Variants in ANKRD11 observed in about 807,000 individuals in gnomAD.
ANKRD11 encodes ankyrin repeat domain 11, also known as ankyrin repeat domain-containing protein 11.
A neutral mutation model predicts 195.7 loss-of-function variants in ANKRD11; 17 were observed. The observed-to-expected ratio is 0.09, with a 90% CI of 0.06 to 0.13. ANKRD11 has a LOEUF of 0.13. Ranked by LOEUF, ANKRD11 falls within the 10% of genes least tolerant of loss-of-function variation. ANKRD11 has a pLI of 1.00. For synonymous variants in ANKRD11, 1,953 were observed against 1,528.1 expected, an observed-to-expected ratio of 1.28 and a Z score of -6.49; for missense variants, 3,735 against 3,566.1, an observed-to-expected ratio of 1.05 and a Z score of -1.21.
At chr16:89,368,415 G>GT (rs1273501135) in intron 2 of ANKRD11, among the ~76,000 whole-genome samples, 1 of 107,432 alleles carries the variant, frequency 9.3e-6, no homozygotes, top group Non-Finnish European at 1.8e-5. Context: ...TAGAGATGGG[G>GT]TTTCACCATC....
At chr16:89,388,245 AG>A (rs1448295544) in intron 2 of ANKRD11, among the ~76,000 whole-genome samples, 10 of 149,900 alleles carry the variant, frequency 6.7e-5, no homozygotes, top group Non-Finnish European at 1.5e-4. Flanking sequence ...ACCCTGCTCC[AG>A]GGCCCACGCG....
chr16:89,475,728 AG>A (rs1485006608), intron 1 of ANKRD11, among the ~76,000 whole-genome samples: 1 of 152,108 alleles, frequency 6.6e-6, no homozygotes, highest in Non-Finnish European at 1.5e-5. Context: ...TGCTCTCCCA[AG>A]TTTAAAGAGG....
Position 89,385,086 on chromosome 16 carries a change from A to C in ANKRD11, c.-60+33198T>G, listed in dbSNP as rs192170405. 2.0e-3 allele frequency among the ~76,000 whole-genome samples: 305 copies of C among 151,744 alleles called. 2 individuals carry two copies. The highest frequency in any genetic ancestry group is 7.1e-3 in the African/African-American group (294 of 41,380). ...TTTTTAGTAGAGACGATATTTCACCATGTTGGCCAGGCTGGTCTTGAACTC... is the reference window on the plus strand; with the variant it reads ...TTTTTAGTAGAGACGATATTTCACCCTGTTGGCCAGGCTGGTCTTGAACTC... On this transcript the variant is annotated intron_variant, in intron 2 of 12. Coordinates refer to ENST00000301030, the MANE Select transcript of ANKRD11 (RefSeq NM_013275.6).
At chr16:89,429,018 T>TA (rs1164110522) in intron 1 of ANKRD11, among the ~76,000 whole-genome samples, 10 of 152,094 alleles carry the variant, frequency 6.6e-5, no homozygotes, top group African/African-American at 2.2e-4. Context: ...GAACAGAATG[T>TA]AAATGGGGGT....
intron 1 of ANKRD11, among the ~76,000 whole-genome samples, chr16:89,448,633 C>T (rs2911262): frequency 0.47 from 72,093 of 152,058 alleles, 17,675 homozygotes; most frequent in Middle Eastern, 0.66. Context: ...TCTTCAAATA[C>T]GCCTAATTAA....
intron 2 of ANKRD11, among the ~76,000 whole-genome samples, chr16:89,416,328 C>T (rs991317927): frequency 2.6e-5 from 4 of 151,894 alleles, no homozygotes; most frequent in African/African-American, 9.7e-5. Context: ...GAGACAGAGT[C>T]TTGCTCTGTC....
intron 2 of ANKRD11, among the ~76,000 whole-genome samples, chr16:89,414,733 C>G (rs528594469): frequency 6.6e-5 from 10 of 152,144 alleles, no homozygotes; most frequent in Non-Finnish European, 1.5e-4. Flanking sequence ...TGCGGCCACA[C>G]CTGGCCCAAC....
intron 2 of ANKRD11, among the ~76,000 whole-genome samples, chr16:89,384,031 C>A (rs1454453163): frequency 6.6e-6 from 1 of 152,116 alleles, no homozygotes; most frequent in Non-Finnish European, 1.5e-5. Flanking sequence ...ACCAGCCTGG[C>A]CAACATGGCA....
Position 89,281,628 on chromosome 16 carries a change from A to T in ANKRD11, c.4914T>A (p.Pro1638=). 6.2e-7 allele frequency: 1 copy of T among 1,614,158 alleles called. No homozygotes were observed. Among genetic ancestry groups the T allele is most frequent in the Non-Finnish European group, 8.5e-7 (1 of 1,180,024 alleles). ...DDGRKKGLDI[P]AKKPPGLDPP... The stretch of plus-strand genomic sequence containing the variant: ...GGTCCAGCCCCGGCGGTTTCTTAGC[A>T]GGAATGTCCAGACCCTTCTTCCGCC... Residue 1638 remains proline, a synonymous_variant, in exon 9 of 13, where the codon CCT becomes CCA. Transcript: ENST00000301030. The surrounding 1 kb of genome is among the most constrained non-coding windows in gnomAD (Gnocchi z 5.5).
intron 1 of ANKRD11, among the ~76,000 whole-genome samples, chr16:89,479,716 G>A (rs1260528576): frequency 1.3e-5 from 2 of 151,980 alleles, no homozygotes; most frequent in Admixed American, 1.3e-4. Flanking sequence ...AGGCCGAGGG[G>A]GCGGATCACG....
In ANKRD11 at chr16:89,281,184, G is replaced by A; in HGVS notation, c.5358C>T (p.Asn1786=). Residue 1786 remains asparagine, a synonymous_variant, in exon 9 of 13, where the codon AAC becomes AAT. Transcript: ENST00000301030. This position sits in a 1 kb window ranked among gnomAD's most constrained non-coding sequence, Gnocchi z 5.5. ...TGTCGACAGAGACCGAGCGGTAAAG[G>A]TTTGTGGAGAGAGGCCTGGCAGGAG... ...SQAPARPLST[N]LYRSVSVDIR... is the part of the protein sequence containing the mutation. 6.2e-7 allele frequency: 1 copy of A among 1,614,206 alleles called. No individual in the cohort carries two copies. Among genetic ancestry groups the A allele is most frequent in the Non-Finnish European group, 8.5e-7 (1 of 1,180,036 alleles).
intron 9 of ANKRD11, among the ~76,000 whole-genome samples, chr16:89,276,486 G>A (rs1000438076): frequency 6.6e-6 from 1 of 152,178 alleles, no homozygotes; most frequent in Non-Finnish European, 1.5e-5. Flanking sequence ...ATGACACCAG[G>A]AGCAGAAGGC....
At chr16:89,481,494 A>G (rs1457529126) in intron 1 of ANKRD11, among the ~76,000 whole-genome samples, 1 of 152,184 alleles carries the variant, frequency 6.6e-6, no homozygotes. Flanking sequence ...AAGCTCAAGG[A>G]TGCAGTGAGA....
chr16:89,438,226 T>A (rs1056125548), intron 1 of ANKRD11, among the ~76,000 whole-genome samples: 4 of 151,984 alleles, frequency 2.6e-5, no homozygotes, highest in Admixed American at 2.6e-4. Flanking sequence ...TACACAAACA[T>A]CAATTTAGGA....
intron 2 of ANKRD11, among the ~76,000 whole-genome samples, chr16:89,332,099 G>A (rs1307459752): frequency 6.6e-6 from 1 of 151,968 alleles, no homozygotes; most frequent in African/African-American, 2.4e-5. Flanking sequence ...ACCAGACTGG[G>A]CAACATGGCA....
intron 2 of ANKRD11, among the ~76,000 whole-genome samples, chr16:89,369,433 G>A (rs899772583): frequency 9.2e-5 from 14 of 152,202 alleles, no homozygotes; most frequent in African/African-American, 3.4e-4. Context: ...GCAAGGGTGC[G>A]CCTCCACGGC....
intron 2 of ANKRD11, among the ~76,000 whole-genome samples, chr16:89,405,853 A>G (rs2041883867): frequency 6.6e-6 from 1 of 152,146 alleles, no homozygotes; most frequent in Non-Finnish European, 1.5e-5. Context: ...TCCAGCAAGA[A>G]TAATCCCAGC....
chr16:89,349,861 AACACACACACACACACAC>A (rs34592614), intron 2 of ANKRD11, among the ~76,000 whole-genome samples: 5,902 of 133,224 alleles, frequency 0.044, 198 homozygotes, highest in East Asian at 0.19. Context: ...TACTTGTTAA[AACACACACACACACACAC>A]ACACACACAC....
intron 2 of ANKRD11, among the ~76,000 whole-genome samples, chr16:89,343,406 A>T (rs2038787674): frequency 6.6e-6 from 1 of 152,252 alleles, no homozygotes. Flanking sequence ...AAATTATTTC[A>T]AAGTAAAAAT....
Sources: gnomAD v4.1 joint callset for allele counts (sites outside exome capture counted in the v4.1 genomes callset) on GRCh38, gnomAD v4.1.1 for gene constraint, Gnocchi (gnomAD v3.1) non-coding constraint, MANE v1.5 for transcripts, NCBI Gene and HGNC (gene_info 2026-07-23, HGNC 2026-07-21) for gene names.